The following RCAN2 variants were observed in gnomAD, a reference collection of about 807,000 sequenced individuals.
RCAN2 encodes regulator of calcineurin 2, also known as calcipressin-2.
A neutral mutation model predicts 23.6 loss-of-function variants in RCAN2; 9 were observed. The ratio of observed to expected loss-of-function variants is 0.38; its 90% confidence interval spans 0.23 to 0.67. The LOEUF is 0.67. Ranked by LOEUF, RCAN2 falls within the 30% of genes least tolerant of loss-of-function variation. RCAN2 has a pLI of 0.51. For missense variants in RCAN2, 273 were observed against 302.3 expected, an observed-to-expected ratio of 0.90 and a Z score of 0.72; for synonymous variants, 109 against 115.7, an observed-to-expected ratio of 0.94 and a Z score of 0.37.
rs144676043 is a variant in RCAN2 at position 46,243,522 on chromosome 6, T to G, written c.571+3226A>C. On this transcript the variant is annotated intron_variant, in intron 4 of 4. Coordinates refer to ENST00000371374, the MANE Select transcript of RCAN2 (RefSeq NM_001251974.2). Reference sequence around the variant, plus strand: ...TTAGATTGGTGTTTGTTAGAAATAATTCTTGAGGCCTAGCGCGGTGGCTCA... The same window carrying G: ...TTAGATTGGTGTTTGTTAGAAATAAGTCTTGAGGCCTAGCGCGGTGGCTCA... 4.0e-3 allele frequency among the ~76,000 whole-genome samples: 606 copies of G among 152,168 alleles called. 3 individuals are homozygous for G. Among genetic ancestry groups the G allele is most frequent in the South Asian group, 0.021 (102 of 4,808 alleles).
At chr6:46,441,126 G>T (rs1253069063) in intron 2 of RCAN2, among the ~76,000 whole-genome samples, 1 of 152,152 alleles carries the variant, frequency 6.6e-6, no homozygotes, top group Admixed American at 6.5e-5. Context: ...GAATGAAGAA[G>T]AATGAGGAAG....
At chr6:46,347,256 A>G (rs1308248050) in intron 2 of RCAN2, among the ~76,000 whole-genome samples, 1 of 152,198 alleles carries the variant, frequency 6.6e-6, no homozygotes, top group African/African-American at 2.4e-5. Flanking sequence ...GAAGCTTTCA[A>G]ATTAATCAGT....
intron 2 of RCAN2, among the ~76,000 whole-genome samples, chr6:46,309,824 AAGACT>A (rs1763195649): frequency 6.6e-6 from 1 of 152,314 alleles, no homozygotes; most frequent in East Asian, 1.9e-4. Flanking sequence ...CTTATGTTTA[AAGACT>A]AGTAAGGAAT....
chr6:46,381,241 C>A (rs533600556), intron 2 of RCAN2, among the ~76,000 whole-genome samples: 1 of 152,292 alleles, frequency 6.6e-6, no homozygotes, highest in East Asian at 1.9e-4. Flanking sequence ...CTATGAATGG[C>A]AAAGTAAACA....
rs568044233 is a variant in RCAN2 at position 46,280,446 on chromosome 6, C to T, written c.226-31550G>A. Among the ~76,000 whole-genome samples, 11 of 152,108 alleles carry T rather than the reference C, an allele frequency of 7.2e-5. No homozygotes were observed. In the South Asian group the frequency reaches 2.3e-3, roughly 32 times the overall value. On this transcript the variant is annotated intron_variant, in intron 2 of 4. Coordinates refer to ENST00000371374, the MANE Select transcript of RCAN2 (RefSeq NM_001251974.2). ...GATCTTTGCTGAAAACTTAGGTGAA[C>T]ATAGTAAGGATGAACACTCAGATTA...
chr6:46,237,236 G>A (rs1766134777), intron 4 of RCAN2, among the ~76,000 whole-genome samples: 1 of 152,266 alleles, frequency 6.6e-6, no homozygotes, highest in East Asian at 1.9e-4. Context: ...ACCTTGCCTT[G>A]TTTTGTTTTG....
chr6:46,262,389 G>A (rs1767139364), intron 2 of RCAN2, among the ~76,000 whole-genome samples: 2 of 151,986 alleles, frequency 1.3e-5, no homozygotes. Flanking sequence ...GACTGCACTT[G>A]GTCTCCCTGG....
intron 2 of RCAN2, among the ~76,000 whole-genome samples, chr6:46,403,987 C>T (rs1023967800): frequency 6.6e-6 from 1 of 151,834 alleles, no homozygotes; most frequent in Non-Finnish European, 1.5e-5. Context: ...TTTGGGAGGT[C>T]GAGGAGGGTG....
At chr6:46,351,881 G>C (rs535279791) in intron 2 of RCAN2, among the ~76,000 whole-genome samples, 1 of 152,178 alleles carries the variant, frequency 6.6e-6, no homozygotes, top group Non-Finnish European at 1.5e-5. Context: ...TGTGTCCCCA[G>C]GAACTCAGTG....
intron 1 of RCAN2, among the ~76,000 whole-genome samples, chr6:46,475,454 A>C (rs1188902570): frequency 2.0e-5 from 3 of 152,176 alleles, no homozygotes; most frequent in Non-Finnish European, 4.4e-5. Context: ...GCAGGCTGTG[A>C]GGAGATGAGC....
At chr6:46,415,450 C>G (rs1766680976) in intron 2 of RCAN2, among the ~76,000 whole-genome samples, 1 of 152,156 alleles carries the variant, frequency 6.6e-6, no homozygotes, top group Admixed American at 6.5e-5. Flanking sequence ...TTAAGTTCAG[C>G]TATAGTCCCA....
At chr6:46,293,355 A>G (rs532832128) in intron 2 of RCAN2, among the ~76,000 whole-genome samples, 59 of 152,190 alleles carry the variant, frequency 3.9e-4, no homozygotes, top group Non-Finnish European at 7.5e-4. Flanking sequence ...ATAATAATAA[A>G]TATTTTTGGA....
At chr6:46,403,371 A>G (rs922835783) in intron 2 of RCAN2, among the ~76,000 whole-genome samples, 1 of 151,982 alleles carries the variant, frequency 6.6e-6, no homozygotes, top group African/African-American at 2.4e-5. Context: ...TCAGGAGTTC[A>G]AGACCAGCCT....
At chr6:46,490,501 C>G (rs1449681612) in intron 1 of RCAN2, among the ~76,000 whole-genome samples, 2 of 152,212 alleles carry the variant, frequency 1.3e-5, no homozygotes, top group African/African-American at 4.8e-5. Flanking sequence ...GACCTGGAGG[C>G]GGCCGAGGGA....
intron 2 of RCAN2, among the ~76,000 whole-genome samples, chr6:46,404,523 T>C (rs1206975136): frequency 1.3e-5 from 2 of 152,226 alleles, no homozygotes; most frequent in African/African-American, 2.4e-5. Flanking sequence ...TATCAAGTTC[T>C]TAAATGTGGG....
chr6:46,398,749 G>A (rs1320009212), intron 2 of RCAN2, among the ~76,000 whole-genome samples: 13 of 151,980 alleles, frequency 8.6e-5, no homozygotes, highest in Non-Finnish European at 1.3e-4. Flanking sequence ...TGCCAAACTC[G>A]AAAGAACTTG....
chr6:46,425,840 G>A lies in RCAN2; in HGVS notation c.225+30912C>T, dbSNP rs144524520. Among the ~76,000 whole-genome samples the A allele has an allele frequency of 8.0e-5, 12 of 150,620 alleles. No individual in the cohort carries two copies. The South Asian group carries it at 2.1e-3, about 26-fold the overall frequency. On this transcript the variant is annotated intron_variant, in intron 2 of 4. Coordinates refer to ENST00000371374, the MANE Select transcript of RCAN2 (RefSeq NM_001251974.2). Reference sequence around the variant, plus strand: ...TAAATATTTCTCAGTGGTTCACTTCGCAATAGCTTTAACTCTGGAAGTTTG... The same window carrying A: ...TAAATATTTCTCAGTGGTTCACTTCACAATAGCTTTAACTCTGGAAGTTTG...
chr6:46,416,676 C>T lies in RCAN2; in HGVS notation c.225+40076G>A, dbSNP rs529223612. Among the ~76,000 whole-genome samples, 10 of 151,984 alleles carry T rather than the reference C, an allele frequency of 6.6e-5. No homozygotes were observed. In the South Asian group the frequency reaches 2.1e-3, roughly 32 times the overall value. On this transcript the variant is annotated intron_variant, in intron 2 of 4. Coordinates refer to ENST00000371374, the MANE Select transcript of RCAN2 (RefSeq NM_001251974.2). ...ACTTGGGACTACAGACATGTACCAC[C>T]ATCCCCAGCTAATGTTTTTATTTTT...
intron 2 of RCAN2, among the ~76,000 whole-genome samples, chr6:46,407,579 G>T (rs1407548052): frequency 6.6e-6 from 1 of 152,194 alleles, no homozygotes; most frequent in Non-Finnish European, 1.5e-5. Context: ...ATGGGCAACT[G>T]CTTTATGGAA....
Sources: gnomAD v4.1 joint callset for allele counts (sites outside exome capture counted in the v4.1 genomes callset) on GRCh38, gnomAD v4.1.1 for gene constraint, MANE v1.5 for transcripts, NCBI Gene and HGNC (gene_info 2026-07-23, HGNC 2026-07-21) for gene names.